TARS1: variants seen among roughly 807,000 people sequenced by gnomAD.
TARS1 encodes threonine--tRNA ligase 1, cytoplasmic.
Under a neutral mutation model 97.7 loss-of-function variants are expected in TARS1, and 57 were observed. The ratio of observed to expected loss-of-function variants is 0.58; its 90% CI spans 0.47 to 0.73. The LOEUF is 0.73. TARS1 is among the 30% of genes least tolerant of loss of function. TARS1 has a pLI of 0.00. For missense variants in TARS1, 806 were observed against 888.3 expected (o/e 0.91, Z 1.18); for synonymous variants, 312 against 293.7 (o/e 1.06, Z -0.64).
At chr5:33,463,530 T>C (rs1742391986) in intron 16 of TARS1, among the ~76,000 whole-genome samples, 1 of 152,230 alleles carries the variant, frequency 6.6e-6, no homozygotes, top group Non-Finnish European at 1.5e-5. Context: ...CAAATTGTAG[T>C]TACAGGCTTT....
chr5:33,443,676 T>C (rs1170371010), intron 1 of TARS1, among the ~76,000 whole-genome samples: 1 of 151,978 alleles, frequency 6.6e-6, no homozygotes, highest in Non-Finnish European at 1.5e-5. Flanking sequence ...TTGTATTTTT[T>C]AGTAGAGACG....
chr5:33,462,282 A>C, intron 16 of TARS1, 79 bp downstream of exon 16: 3 of 1,271,876 alleles, frequency 2.4e-6, no homozygotes, highest in Non-Finnish European at 3.4e-6. Context: ...TTTAATTATC[A>C]GATGGAAAGG....
chr5:33,449,313 ATGTG>A (rs1489925281), intron 3 of TARS1, among the ~76,000 whole-genome samples: 1 of 142,978 alleles, frequency 7.0e-6, no homozygotes, highest in African/African-American at 2.7e-5. Context: ...AAACATATAT[ATGTG>A]TATATATATA....
chr5:33,457,271 C>G lies in TARS1; in HGVS notation c.852C>G (p.Tyr284Ter). ...ALKIHKNSSTYWEGKADMETL... is the reference protein window; with the variant it reads ...ALKIHKNSST ...CTTGTTTTCAGAATTCCTCCACGTA[C>G]TGGGAAGGCAAAGCAGATATGGAGA... Residue 284 changes from tyrosine (Y) to a stop codon, truncating the protein, a stop_gained, in exon 9 of 19, where the codon TAC becomes TAG. Coordinates refer to ENST00000265112, the MANE Select transcript of TARS1 (RefSeq NM_152295.5). LOFTEE classifies it high-confidence loss of function. 6.2e-7 allele frequency: 1 copy of G among 1,613,278 alleles called. No homozygotes were observed. The highest frequency in any genetic ancestry group is 8.5e-7 in the Non-Finnish European group (1 of 1,179,706).
At chr5:33,440,782 C>T (rs1741037561), upstream of TARS1, 1 of 494,982 alleles carries the variant, frequency 2.0e-6, no homozygotes, top group Non-Finnish European at 3.6e-6. Context: ...CCAAGGTCAG[C>T]GGAGAGTAGG....
intron 17 of TARS1, chr5:33,466,041 T>G (rs2111606511): frequency 6.6e-6 from 1 of 152,360 alleles, no homozygotes; most frequent in East Asian, 1.9e-4. Flanking sequence ...GTGATGGTGA[T>G]TCTGCTAGTA....
At chr5:33,459,670 C>CA (rs1476718062) in intron 10 of TARS1, 25 bp from the exon 11 acceptor site, 2 of 1,612,482 alleles carry the variant, frequency 1.2e-6, no homozygotes, top group African/African-American at 2.7e-5. Context: ...TTTGCCTACA[C>CA]ATGTTTCTGT....
At chr5:33,452,446 G>A (rs999001974) in intron 3 of TARS1, 2 of 1,533,760 alleles carry the variant, frequency 1.3e-6, no homozygotes, top group Non-Finnish European at 1.7e-6. Context: ...TCCTGTGAGT[G>A]CTTTATCCTC....
intron 9 of TARS1, 63 bp from the exon 10 acceptor site, chr5:33,458,503 T>C: frequency 1.4e-6 from 2 of 1,393,142 alleles, no homozygotes; most frequent in Non-Finnish European, 2.0e-6. Flanking sequence ...CTGAAATTTA[T>C]GTATATATAC....
rs376867224 is a variant in TARS1 at position 33,450,989 on chromosome 5, C to T, written c.329+2258C>T. Among the ~76,000 whole-genome samples, 18 of 152,246 alleles carry T rather than the reference C, an allele frequency of 1.2e-4. No individual in the cohort carries two copies. In the East Asian group the frequency reaches 1.4e-3, roughly 11 times the overall value. On this transcript the variant is annotated intron_variant, in intron 3 of 18. Transcript: ENST00000265112. ...AATTAGCCAGTCATGGTGGCGCACA[C>T]CTGTAGTCCCAACTACTTGGAGGCT... is the stretch of plus-strand genomic sequence containing the variant.
intron 8 of TARS1, among the ~76,000 whole-genome samples, chr5:33,456,990 G>C (rs530170088): frequency 5.5e-4 from 83 of 152,198 alleles, no homozygotes; most frequent in African/African-American, 2.0e-3. Context: ...TAAAGAATGG[G>C]GTCTCCCTGT....
At chr5:33,459,921 TC>T (rs1742211888) in intron 11 of TARS1, 60 bp downstream of exon 11, 1 of 1,548,224 alleles carries the variant, frequency 6.5e-7, no homozygotes, top group Non-Finnish European at 8.8e-7. Context: ...CATCCTGGGT[TC>T]TTCCCTCCTT....
intron 1 of TARS1, among the ~76,000 whole-genome samples, chr5:33,443,080 T>C (rs1014937412): frequency 6.6e-6 from 1 of 152,192 alleles, no homozygotes; most frequent in Non-Finnish European, 1.5e-5. Flanking sequence ...ATTACTTGTA[T>C]GTAGATGTAC....
chr5:33,463,160 A>T (rs1001444532), intron 16 of TARS1, among the ~76,000 whole-genome samples: 1 of 152,216 alleles, frequency 6.6e-6, no homozygotes, highest in African/African-American at 2.4e-5. Flanking sequence ...TAGAGGAATG[A>T]TGGAGAAAAA....
chr5:33,461,126 T>C lies in TARS1; in HGVS notation c.1414-32T>C, dbSNP rs564916700. 3.1e-5 allele frequency: 50 copies of C among 1,603,096 alleles called. No homozygotes were observed. In the South Asian group the frequency reaches 5.1e-4, roughly 16 times the overall value. On this transcript the variant is annotated intron_variant, in intron 12 of 18. Transcript: ENST00000265112. ...AGTCAAGAAAGTCAAGGAAAATAACTACTGTTTCTTTTTTTGTTTTTTAAT... is the reference window on the plus strand; with the variant it reads ...AGTCAAGAAAGTCAAGGAAAATAACCACTGTTTCTTTTTTTGTTTTTTAAT...
rs776200254 is a variant in TARS1, at chr5:33,459,647, G to A, written c.1084-48G>A. ...CTTTAAGTTTTTACTCCCACTTGAA[G>A]TATGAGCATTTATTTGCCTACACAT... is the stretch of plus-strand genomic sequence containing the variant. On this transcript the variant is annotated intron_variant, in intron 10 of 18. Transcript: ENST00000265112. 1.2e-5 allele frequency: 19 copies of A among 1,604,266 alleles called. No homozygotes were observed. The Admixed American group carries it at 1.9e-4, about 16-fold the overall frequency.
chr5:33,443,303 T>TTCTCTC (rs1386339336), intron 1 of TARS1, among the ~76,000 whole-genome samples: 1 of 100,668 alleles, frequency 9.9e-6, no homozygotes, highest in East Asian at 5.2e-4. Flanking sequence ...TTTGTGGTGA[T>TTCTCTC]TCCCTCTCTC....
chr5:33,446,370 C>T (rs1579575669), intron 2 of TARS1, among the ~76,000 whole-genome samples: 1 of 152,174 alleles, frequency 6.6e-6, no homozygotes, highest in Non-Finnish European at 1.5e-5. Context: ...TTAAAATTTG[C>T]AAGCCAATGG....
rs1007888893 is a variant in TARS1 at position 33,467,866 on chromosome 5, A to C, written c.*158A>C. Reference sequence around the variant, plus strand: ...AGGCGTAACTATTTTTGACCTAGTCAGTTTTTAAACAATGTGCATTTGAAG... The same window carrying C: ...AGGCGTAACTATTTTTGACCTAGTCCGTTTTTAAACAATGTGCATTTGAAG... On this transcript the variant is annotated 3_prime_UTR_variant, in exon 19 of 19. Transcript: ENST00000265112. The C allele has an allele frequency of 5.8e-6, 4 of 695,200 alleles. No individual in the cohort carries two copies. Among genetic ancestry groups the C allele is most frequent in the Non-Finnish European group, 9.0e-6 (4 of 444,216 alleles). 43.1% of individuals were successfully genotyped at this position (695,200 alleles called of 1,614,324 possible). A position where few individuals can be genotyped will look rare whatever the true frequency, so the allele number is the denominator to read the frequency against.
Sources: allele counts gnomAD v4.1 joint callset (sites outside exome capture counted in the v4.1 genomes callset), GRCh38; gene constraint gnomAD v4.1.1; transcripts MANE v1.5; gene names NCBI Gene and HGNC (gene_info 2026-07-23, HGNC 2026-07-21).